CRPPA: variants seen among roughly 807,000 people sequenced by gnomAD.
CRPPA encodes the protein D-ribitol-5-phosphate cytidylyltransferase.
CRPPA carries 43 observed loss-of-function variants against 52.0 expected under a neutral mutation model. That is an observed-to-expected ratio of 0.83 (90% confidence interval 0.65 to 1.07). The LOEUF (loss-of-function observed/expected upper bound fraction) is 1.07. CRPPA is among the 50% of genes least tolerant of loss of function. CRPPA has a pLI of 0.00. For missense variants in CRPPA, 629 were observed against 551.7 expected (o/e 1.14, Z -1.40); for synonymous variants, 250 against 203.5 (o/e 1.23, Z -1.94).
chr7:16,235,302 CG>C (rs138550940), intron 8 of CRPPA, among the ~76,000 whole-genome samples: 3,133 of 152,050 alleles, frequency 0.021, 120 homozygotes, highest in African/African-American at 0.071. Flanking sequence ...GATAAAAACA[CG>C]TAAGTCAGTG....
intron 6 of CRPPA, among the ~76,000 whole-genome samples, chr7:16,274,880 C>G (rs1294787847): frequency 6.6e-6 from 1 of 152,082 alleles, no homozygotes; most frequent in Non-Finnish European, 1.5e-5. Context: ...GTCTTTGAAT[C>G]TCTGCAGACC....
chr7:16,260,653 G>A (rs978485432), intron 6 of CRPPA, among the ~76,000 whole-genome samples: 4 of 151,520 alleles, frequency 2.6e-5, no homozygotes, highest in African/African-American at 7.3e-5. Context: ...TGACTTCACA[G>A]ATATGAAATA....
intron 9 of CRPPA, 74 bp downstream of exon 9, chr7:16,215,992 T>A: frequency 8.5e-7 from 1 of 1,182,150 alleles, no homozygotes; most frequent in Non-Finnish European, 1.2e-6. Flanking sequence ...ATCCTCCTGC[T>A]TTTAACAAAT....
chr7:16,091,640 C>T lies in CRPPA; in HGVS notation c.*55G>A, dbSNP rs1781839334. On this transcript the variant is annotated 3_prime_UTR_variant, in exon 10 of 10. Transcript: ENST00000407010. ...CACACACAGCAGCGGGGGCACAAAG[C>T]ACAATTAAGATACGCAAATAGATGT... is the stretch of plus-strand genomic sequence containing the variant. The T allele has an allele frequency of 1.0e-6, 1 of 983,326 alleles. No individual in the cohort carries two copies. Among genetic ancestry groups the T allele is most frequent in the East Asian group, 2.7e-5 (1 of 37,630 alleles). 60.9% of individuals were successfully genotyped at this position (983,326 alleles called of 1,614,324 possible).
chr7:16,157,850 C>G (rs1425417192), intron 9 of CRPPA, among the ~76,000 whole-genome samples: 2 of 151,782 alleles, frequency 1.3e-5, no homozygotes, highest in African/African-American at 2.4e-5. Flanking sequence ...TCTGATTTCC[C>G]TTTTTCTAAA....
At chr7:16,333,064 A>C (rs529125210) in intron 3 of CRPPA, among the ~76,000 whole-genome samples, 2 of 152,314 alleles carry the variant, frequency 1.3e-5, no homozygotes, top group South Asian at 2.1e-4. Flanking sequence ...TACTCTAAGA[A>C]GACATAATAA....
At chr7:16,230,828 G>A (rs1010166103) in intron 8 of CRPPA, among the ~76,000 whole-genome samples, 2 of 152,180 alleles carry the variant, frequency 1.3e-5, no homozygotes, top group African/African-American at 4.8e-5. Flanking sequence ...AATGCCAGAA[G>A]CCTGGGGCTC....
chr7:16,125,586 T>G lies in CRPPA; in HGVS notation c.1252-33787A>C, dbSNP rs746939201. Among the ~76,000 whole-genome samples the G allele has an allele frequency of 9.5e-4, 144 of 152,268 alleles. 2 individuals carry two copies. The highest frequency in any genetic ancestry group is 6.2e-4 in the South Asian group (3 of 4,822). On this transcript the variant is annotated intron_variant, in intron 9 of 9. Transcript: ENST00000407010. The stretch of plus-strand genomic sequence containing the variant: ...AAGACATGGTATACTCTCAATTGAC[T>G]AGATCATAAGTAAAATTATAGTAAT...
chr7:16,307,673 CAAAAAAAAAA>C (rs55682769), intron 4 of CRPPA, among the ~76,000 whole-genome samples: 3 of 44,344 alleles, frequency 6.8e-5, no homozygotes, highest in African/African-American at 1.8e-4. Context: ...GAAACTCTGT[CAAAAAAAAAA>C]AAAAAAAAAA....
intron 3 of CRPPA, among the ~76,000 whole-genome samples, chr7:16,341,694 C>G (rs771973909): frequency 6.6e-6 from 1 of 151,982 alleles, no homozygotes; most frequent in Non-Finnish European, 1.5e-5. Context: ...ATTCTGAATC[C>G]TCAAATGTGG....
chr7:16,189,709 T>G (rs1202977649), intron 9 of CRPPA, among the ~76,000 whole-genome samples: 3 of 152,178 alleles, frequency 2.0e-5, no homozygotes, highest in African/African-American at 4.8e-5. Context: ...ATTGTGAATG[T>G]GTATTTAGTT....
chr7:16,368,150 TTTA>T (rs1457703810), intron 3 of CRPPA, among the ~76,000 whole-genome samples: 1 of 152,222 alleles, frequency 6.6e-6, no homozygotes, highest in Non-Finnish European at 1.5e-5. Flanking sequence ...TGTATAATAA[TTTA>T]TTATTTTTCC....
chr7:16,408,235 G>A (rs1275250656), intron 1 of CRPPA, among the ~76,000 whole-genome samples: 2 of 152,022 alleles, frequency 1.3e-5, no homozygotes, highest in Admixed American at 6.6e-5. Context: ...ACACAATGAA[G>A]AAGTCCACGT....
chr7:16,300,515 T>C (rs959157073), intron 5 of CRPPA, among the ~76,000 whole-genome samples: 6 of 152,272 alleles, frequency 3.9e-5, no homozygotes, highest in Admixed American at 2.6e-4. Context: ...TATTTTAAAA[T>C]AGTGGTTCTC....
intron 3 of CRPPA, among the ~76,000 whole-genome samples, chr7:16,312,502 G>C (rs761370797): frequency 1.3e-5 from 2 of 151,876 alleles, no homozygotes; most frequent in Non-Finnish European, 2.9e-5. Flanking sequence ...CATAACTTCT[G>C]TCAATGCTTT....
chr7:16,207,721 C>T (rs1357118843), intron 9 of CRPPA, among the ~76,000 whole-genome samples: 1 of 152,168 alleles, frequency 6.6e-6, no homozygotes, highest in Admixed American at 6.5e-5. Flanking sequence ...GCCATTATTT[C>T]TTCACTATTT....
In CRPPA at chr7:16,099,280, GA is replaced by G. The variant is rs901805169; in HGVS notation, c.1252-7482del. On this transcript the variant is annotated intron_variant, in intron 9 of 9. Coordinates refer to ENST00000407010, the MANE Select transcript of CRPPA (RefSeq NM_001101426.4). Reference sequence around the variant, plus strand: ...TAAAAAGAGGAGAGGGAGAGGGGCAGAAAAAAAAAGGAAAGAAAAAAAGGAA... The same window carrying G: ...TAAAAAGAGGAGAGGGAGAGGGGCAGAAAAAAAAGGAAAGAAAAAAAGGAA... 3.2e-3 allele frequency among the ~76,000 whole-genome samples: 392 copies of G among 121,920 alleles called. 2 individuals carry two copies. Among genetic ancestry groups the G allele is most frequent in the African/African-American group, 0.011 (367 of 32,912 alleles). 80.0% of individuals were successfully genotyped at this position (121,920 alleles called of 152,430 possible). A position where few individuals can be genotyped will look rare whatever the true frequency, so the allele number is the denominator to read the frequency against.
chr7:16,335,452 A>G (rs140995386), intron 3 of CRPPA, among the ~76,000 whole-genome samples: 149 of 152,326 alleles, frequency 9.8e-4, no homozygotes, highest in African/African-American at 3.5e-3. Context: ...GAAGTTTGAC[A>G]AAGAAATAGA....
At chr7:16,347,828 T>C (rs1303971266) in intron 3 of CRPPA, among the ~76,000 whole-genome samples, 2 of 152,052 alleles carry the variant, frequency 1.3e-5, no homozygotes. Context: ...TTGAACCACA[T>C]ATAGCACCCT....
Sources: allele counts gnomAD v4.1 joint callset (sites outside exome capture counted in the v4.1 genomes callset), GRCh38; gene constraint gnomAD v4.1.1; transcripts MANE v1.5; gene names NCBI Gene and HGNC (gene_info 2026-07-23, HGNC 2026-07-21).